The following ITFG2 variants were observed in gnomAD, a reference collection of about 807,000 sequenced individuals.
The protein encoded by ITFG2 is KICSTOR complex protein ITFG2.
Under a neutral mutation model 54.4 loss-of-function variants are expected in ITFG2, and 36 were observed. That is an observed-to-expected ratio of 0.66 (90% CI 0.51 to 0.87). The LOEUF is 0.87. ITFG2 is among the 40% of genes least tolerant of loss of function. The pLI is 0.00. For missense variants in ITFG2, 524 were observed against 576.7 expected (o/e 0.91, Z 0.94); for synonymous variants, 211 against 225.4 (o/e 0.94, Z 0.57).
chr12:2,822,572 T>C (rs2097949159), intron 9 of ITFG2, among the ~76,000 whole-genome samples: 1 of 152,210 alleles, frequency 6.6e-6, no homozygotes, highest in Admixed American at 6.5e-5. Context: ...GCCTCCTAGC[T>C]GAGTGGCCTT....
intron 1 of ITFG2, 60 bp downstream of exon 1, chr12:2,812,916 G>A (rs974922923): frequency 2.1e-6 from 3 of 1,445,276 alleles, no homozygotes; most frequent in Admixed American, 1.7e-5. Context: ...GGCAAGGGAA[G>A]TGGAAGAGGC....
intron 2 of ITFG2, chr12:2,830,506 G>A (rs953381908): frequency 1.9e-5 from 10 of 529,080 alleles, no homozygotes; most frequent in Admixed American, 1.1e-4. Context: ...AGTAATGGTG[G>A]TGACAGATGG....
intron 2 of ITFG2, among the ~76,000 whole-genome samples, chr12:2,851,925 C>T (rs949009097): frequency 1.2e-4 from 18 of 151,316 alleles, no homozygotes; most frequent in East Asian, 3.9e-4. Flanking sequence ...GTGATCTGCC[C>T]GCCTCAACCT....
chr12:2,819,422 C>T (rs1467849178), intron 4 of ITFG2, among the ~76,000 whole-genome samples: 12 of 151,718 alleles, frequency 7.9e-5, no homozygotes, highest in Admixed American at 5.9e-4. Context: ...AAGCCGAAAT[C>T]GCGCCACTGC....
At chr12:2,821,470 TG>T (rs1265050937) in intron 7 of ITFG2, 72 bp from the exon 8 acceptor site, 50 of 1,574,036 alleles carry the variant, frequency 3.2e-5, no homozygotes, top group Non-Finnish European at 4.3e-5. Context: ...CCCCTGCTGC[TG>T]CAGAACACCC....
chr12:2,841,574 A>G (rs1418826021), intron 2 of ITFG2, among the ~76,000 whole-genome samples: 1 of 152,208 alleles, frequency 6.6e-6, no homozygotes, highest in African/African-American at 2.4e-5. Context: ...CTAGACATAT[A>G]TGGTTATTGA....
At chr12:2,850,034 G>A (rs947416889) in intron 2 of ITFG2, among the ~76,000 whole-genome samples, 1 of 152,092 alleles carries the variant, frequency 6.6e-6, no homozygotes, top group African/African-American at 2.4e-5. Context: ...ATAGTCCCCT[G>A]TTTGCTGTTG....
chr12:2,830,457 T>A, intron 2 of ITFG2: 1 of 436,136 alleles, frequency 2.3e-6, no homozygotes, highest in South Asian at 4.1e-5. Context: ...AGTACTTACT[T>A]AATTTAAGTA....
At chr12:2,836,002 T>C (rs1056002867), upstream of ITFG2, among the ~76,000 whole-genome samples, 1 of 152,254 alleles carries the variant, frequency 6.6e-6, no homozygotes, top group African/African-American at 2.4e-5. Flanking sequence ...AGTATTCCAT[T>C]AGATGCATGC....
At chr12:2,831,293 C>G (rs936236417), downstream of ITFG2, among the ~76,000 whole-genome samples, 1 of 151,564 alleles carries the variant, frequency 6.6e-6, no homozygotes, top group Admixed American at 6.6e-5. Flanking sequence ...GTAAGAAACT[C>G]AAGAACTAGG....
chr12:2,845,985 C>T lies in ITFG2; in HGVS notation n.300+4990C>T, dbSNP rs1330793121. 1.3e-5 allele frequency among the ~76,000 whole-genome samples: 2 copies of T among 152,128 alleles called. No individual in the cohort carries two copies. The highest frequency in any genetic ancestry group is 2.9e-5 in the Non-Finnish European group (2 of 68,010). On this transcript the variant is annotated intron_variant and non_coding_transcript_variant, in intron 2 of 3. Transcript: ENST00000537710. This position sits in a 1 kb window ranked among gnomAD's most constrained non-coding sequence, Gnocchi z 4.2. The stretch of plus-strand genomic sequence containing the variant: ...CCAAGTAGCTGGGACTACAGGTGCA[C>T]ACCACTGCACCTGCCTGGCTGGGGG...
At chr12:2,854,352 C>T (rs1039906686) in intron 2 of ITFG2, among the ~76,000 whole-genome samples, 3 of 152,206 alleles carry the variant, frequency 2.0e-5, no homozygotes, top group African/African-American at 7.2e-5. Context: ...TTCAGTTCTT[C>T]CACATATTCA....
At chr12:2,835,791 G>A (rs1027672825), upstream of ITFG2, among the ~76,000 whole-genome samples, 2 of 152,214 alleles carry the variant, frequency 1.3e-5, no homozygotes, top group Admixed American at 6.5e-5. Context: ...TGAAATTGGT[G>A]TTTATCAGGC....
At chr12:2,854,813 G>T (rs537808760) in intron 2 of ITFG2, 2 of 1,374,246 alleles carry the variant, frequency 1.5e-6, no homozygotes, top group South Asian at 1.5e-5. Flanking sequence ...ACAGAGTCCC[G>T]GTTAGAAACA....
At chr12:2,827,712 G>T (rs2097975658), downstream of ITFG2, 3 of 1,613,398 alleles carry the variant, frequency 1.9e-6, no homozygotes, top group Non-Finnish European at 2.5e-6. This position sits in a 1 kb window ranked among gnomAD's most constrained non-coding sequence, Gnocchi z 4.0. Context: ...AGAGGCTGAG[G>T]GTTCCCAGTG....
rs1457919339 is a variant in ITFG2 at position 2,817,245 on chromosome 12, A to T, written c.119A>T (p.Asp40Val). ...AAGTTAAATGAACTGGTGGTGGGAG[A>T]CACCAGCGGGAAGGTGTCTGTGTAT... is the stretch of plus-strand genomic sequence containing the variant. The part of the protein sequence containing the change: ...NDTLNELVVG[D>V]TSGKVSVYKN... Residue 40 changes from aspartate to valine, a missense_variant, in exon 2 of 12, where the codon GAC becomes GTC. Asp to Val is a radical substitution (Grantham distance 152, BLOSUM62 -3). Coordinates refer to ENST00000228799, the MANE Select transcript of ITFG2 (RefSeq NM_018463.4). 6 of 1,613,524 alleles carry T rather than the reference A, an allele frequency of 3.7e-6. No individual in the cohort carries two copies. In the Admixed American group the frequency reaches 8.3e-5, roughly 22 times the overall value.
chr12:2,815,021 T>C (rs1049744704), intron 1 of ITFG2, among the ~76,000 whole-genome samples: 5 of 152,030 alleles, frequency 3.3e-5, no homozygotes, highest in Non-Finnish European at 5.9e-5. Context: ...TTGTCCAGGC[T>C]GGAGTGCAGT....
intron 2 of ITFG2, among the ~76,000 whole-genome samples, chr12:2,852,684 T>TC (rs1255855542): frequency 2.0e-5 from 3 of 152,072 alleles, no homozygotes; most frequent in Non-Finnish European, 2.9e-5. Flanking sequence ...ACTTGACCTG[T>TC]CCAGCTCAGA....
chr12:2,855,258 A>C (rs1603494123), intron 2 of ITFG2: 1 of 1,511,272 alleles, frequency 6.6e-7, no homozygotes, highest in Non-Finnish European at 8.9e-7. Flanking sequence ...GCTGGGCGCC[A>C]CCCTTCCAAG....
Sources: allele counts gnomAD v4.1 joint callset (sites outside exome capture counted in the v4.1 genomes callset), GRCh38; gene constraint gnomAD v4.1.1; non-coding constraint Gnocchi (gnomAD v3.1); transcripts MANE v1.5; gene names NCBI Gene and HGNC (gene_info 2026-07-23, HGNC 2026-07-21).